KDM2B: variants seen among roughly 807,000 people sequenced by gnomAD.
KDM2B encodes the protein lysine-specific demethylase 2B.
A neutral mutation model predicts 150.0 loss-of-function variants in KDM2B; 26 were observed. The ratio of observed to expected loss-of-function variants is 0.17; its 90% CI spans 0.13 to 0.24. The LOEUF is 0.24. Among genes scored for constraint, KDM2B ranks in the 10% least tolerant of loss-of-function variants. KDM2B has a pLI of 1.00. For missense variants in KDM2B, 1,265 were observed against 1,816.9 expected, an observed-to-expected ratio of 0.70 and a Z score of 5.52; for synonymous variants, 734 against 729.5, an observed-to-expected ratio of 1.01 and a Z score of -0.10.
chr12:121,515,415 C>T (rs1168178287), intron 9 of KDM2B, among the ~76,000 whole-genome samples: 1 of 7,452 alleles, frequency 1.3e-4, no homozygotes, highest in Non-Finnish European at 3.0e-4. Context: ...ACACTCCCCA[C>T]CCCCCTGATC....
chr12:121,420,371 T>A, the KDM2B span: 1 of 1,554,550 alleles, frequency 6.4e-7, no homozygotes, highest in East Asian at 2.4e-5. Context: ...CCCTGACATG[T>A]CAGCCTGACA....
intron 6 of KDM2B, among the ~76,000 whole-genome samples, chr12:121,535,210 C>CA (rs34287525): frequency 0.037 from 4,744 of 128,684 alleles, 109 homozygotes; most frequent in East Asian, 0.15. Context: ...GTTAAATGAC[C>CA]AAAAAAAAAA....
In KDM2B at chr12:121,549,675, G is replaced by C; in HGVS notation, c.398-37C>G. 1 of 1,519,160 alleles carries C rather than the reference G, an allele frequency of 6.6e-7. No individual in the cohort carries two copies. The highest frequency in any genetic ancestry group is 8.9e-7 in the Non-Finnish European group (1 of 1,124,808). The allele number at this position is 1,519,160 out of a possible 1,614,324, so 94.1% of individuals were successfully genotyped here. On this transcript the variant is annotated intron_variant, in intron 4 of 22. Transcript: ENST00000377071. This position sits in a 1 kb window ranked among gnomAD's most constrained non-coding sequence, Gnocchi z 4.4. ...AGCCACACACTGGTTGTTCCTGCCG[G>C]CTTAAGGCTCCAGATCCTACATGGG...
rs1324141693 is a variant in KDM2B at position 121,439,783 on chromosome 12, C to T, written c.3829+74G>A. 3.7e-5 allele frequency: 41 copies of T among 1,122,718 alleles called. 1 individual carries two copies. Among genetic ancestry groups the T allele is most frequent in the South Asian group, 1.4e-4 (11 of 77,284 alleles). 69.5% of individuals were successfully genotyped at this position (1,122,718 alleles called of 1,614,324 possible). A position where few individuals can be genotyped will look rare whatever the true frequency, so the allele number is the denominator to read the frequency against. On this transcript the variant is annotated intron_variant, in intron 22 of 22. Coordinates refer to ENST00000377071, the MANE Select transcript of KDM2B (RefSeq NM_032590.5). The stretch of plus-strand genomic sequence containing the variant: ...ACCACATAGCTGTAGACACACGAAT[C>T]GTTTTCCACAAATGTGAACCTCCTG...
At chr12:121,460,706 C>A (rs782677429) in intron 12 of KDM2B, among the ~76,000 whole-genome samples, 9 of 152,114 alleles carry the variant, frequency 5.9e-5, no homozygotes, top group Non-Finnish European at 1.2e-4. Context: ...TCGAACCTGG[C>A]CAAAAGGTAA....
At chr12:121,511,539 G>A (rs1441438366) in intron 10 of KDM2B, among the ~76,000 whole-genome samples, 2 of 152,170 alleles carry the variant, frequency 1.3e-5, no homozygotes, top group Admixed American at 6.5e-5. Flanking sequence ...ACACGCCTCA[G>A]CCTCCCAAAG....
chr12:121,545,702 C>A (rs1244713910), intron 6 of KDM2B, among the ~76,000 whole-genome samples: 1 of 152,166 alleles, frequency 6.6e-6, no homozygotes, highest in East Asian at 1.9e-4. Context: ...GCCATCCAAT[C>A]CCCATAGCAA....
At chr12:121,525,014 CA>C (rs1239055201) in intron 8 of KDM2B, among the ~76,000 whole-genome samples, 6 of 152,186 alleles carry the variant, frequency 3.9e-5, no homozygotes, top group African/African-American at 1.4e-4. Context: ...GTGGCTTTAG[CA>C]GGAATAAACC....
chr12:121,546,573 G>GT (rs2141945403), intron 6 of KDM2B, among the ~76,000 whole-genome samples: 1 of 148,984 alleles, frequency 6.7e-6, no homozygotes, highest in South Asian at 2.1e-4. Context: ...TTTTTTTTTT[G>GT]TTTGTTTGTT....
rs964333908 is a variant in KDM2B, at chr12:121,513,927, A to G, written c.1048-525T>C. On this transcript the variant is annotated intron_variant, in intron 9 of 22. Coordinates refer to ENST00000377071, the MANE Select transcript of KDM2B (RefSeq NM_032590.5). The surrounding 1 kb of genome is among the most constrained non-coding windows in gnomAD (Gnocchi z 5.0). Reference sequence around the variant, plus strand: ...GTTGGGAGGGAGGCCAGGCCAGCGGACCAATAAGAGTGAGGGGGTGTGGCC... The same window carrying G: ...GTTGGGAGGGAGGCCAGGCCAGCGGGCCAATAAGAGTGAGGGGGTGTGGCC... Among the ~76,000 whole-genome samples, 3 of 152,142 alleles carry G rather than the reference A, an allele frequency of 2.0e-5. No homozygotes were observed. Among genetic ancestry groups the G allele is most frequent in the South Asian group, 2.1e-4 (1 of 4,818 alleles).
chr12:121,526,358 A>C (rs538012767), intron 8 of KDM2B, among the ~76,000 whole-genome samples: 2 of 149,592 alleles, frequency 1.3e-5, no homozygotes, highest in African/African-American at 4.9e-5. Context: ...GCCTCAGGGG[A>C]AAAAAAAAAG....
In KDM2B at chr12:121,494,664, T is replaced by C. The variant is rs1555300566; in HGVS notation, c.1649A>G (p.Asn550Ser). 1 of 1,609,084 alleles carries C rather than the reference T, an allele frequency of 6.2e-7. No individual in the cohort carries two copies. The change falls in exon 12 of 23, where the codon AAC (asparagine) becomes AGC (serine). Residue 550 changes from asparagine (N) to serine (S), a missense_variant and splice_region_variant. By Grantham distance (46) the Asn-to-Ser change is conservative. Coordinates refer to ENST00000377071, the MANE Select transcript of KDM2B (RefSeq NM_032590.5). The part of the protein sequence containing the change: ...DPQALLEGVK[N>S]VLKEHADDDP... ...ATCATCTGCGTGCTCCTTCAGGACG[T>C]TCTGTGGCCAAACAAAGCATCCATA...
At chr12:121,577,370 T>A (rs1245656812) in intron 2 of KDM2B, among the ~76,000 whole-genome samples, 1 of 152,086 alleles carries the variant, frequency 6.6e-6, no homozygotes, top group African/African-American at 2.4e-5. Flanking sequence ...CTCAACTCAG[T>A]AAAAATGGGG....
intron 14 of KDM2B, chr12:121,444,817 G>C (rs1566270267): frequency 1.9e-6 from 1 of 522,582 alleles, no homozygotes; most frequent in African/African-American, 1.9e-5. Flanking sequence ...AAAAGTTAGT[G>C]TGCCCATCTC....
At chr12:121,506,966 G>A (rs942573803) in intron 11 of KDM2B, among the ~76,000 whole-genome samples, 2 of 151,924 alleles carry the variant, frequency 1.3e-5, no homozygotes, top group East Asian at 1.9e-4. Context: ...GCGAGGTGGC[G>A]GGCACCTGTA....
chr12:121,571,817 A>AT (rs1406396165), intron 4 of KDM2B, among the ~76,000 whole-genome samples: 2 of 150,918 alleles, frequency 1.3e-5, no homozygotes, highest in Non-Finnish European at 3.0e-5. Flanking sequence ...CACCCAGCTA[A>AT]TTTTTTGTAT....
At chr12:121,522,636 T>C (rs1227162323) in intron 8 of KDM2B, among the ~76,000 whole-genome samples, 1 of 151,852 alleles carries the variant, frequency 6.6e-6, no homozygotes, top group Non-Finnish European at 1.5e-5. Flanking sequence ...TCACCTGAAG[T>C]CAGGAGTTTG....
At chr12:121,495,546 C>T (rs563395464) in intron 11 of KDM2B, among the ~76,000 whole-genome samples, 2 of 152,302 alleles carry the variant, frequency 1.3e-5, no homozygotes, top group African/African-American at 4.8e-5. Context: ...GGAATCCTCC[C>T]TCCTTAGCCT....
chr12:121,408,596 G>C, the KDM2B span, among the ~76,000 whole-genome samples: 2 of 152,164 alleles, frequency 1.3e-5, no homozygotes, highest in African/African-American at 2.4e-5. Flanking sequence ...GAGGCATGCA[G>C]AATAAATTTC....
Sources: allele counts gnomAD v4.1 joint callset (sites outside exome capture counted in the v4.1 genomes callset), GRCh38; gene constraint gnomAD v4.1.1; non-coding constraint Gnocchi (gnomAD v3.1); transcripts MANE v1.5; gene names NCBI Gene and HGNC (gene_info 2026-07-23, HGNC 2026-07-21).